NRXN1: variants seen among roughly 807,000 people sequenced by gnomAD.
The protein encoded by NRXN1 is neurexin 1, also known as neurexin-1.
A neutral mutation model predicts 150.9 loss-of-function variants in NRXN1; 39 were observed. That is an observed-to-expected ratio of 0.26 (90% CI 0.20 to 0.34). The LOEUF is 0.34. Ranked by LOEUF, NRXN1 falls within the 10% of genes least tolerant of loss-of-function variation. The pLI, the probability that NRXN1 is intolerant of heterozygous loss-of-function variation, is 1.00. For missense variants in NRXN1, 1,815 were observed against 1,949.9 expected (o/e 0.93, Z 1.30); for synonymous variants, 924 against 757.0 (o/e 1.22, Z -3.62).
chr2:49,971,109 C>A (rs1677879347), intron 21 of NRXN1, among the ~76,000 whole-genome samples: 1 of 152,016 alleles, frequency 6.6e-6, no homozygotes, highest in South Asian at 2.1e-4. Flanking sequence ...TTAATATAGA[C>A]AAAGGCCTAA....
chr2:50,852,034 T>C (rs894529842), intron 5 of NRXN1, among the ~76,000 whole-genome samples: 3 of 152,122 alleles, frequency 2.0e-5, no homozygotes, highest in African/African-American at 7.2e-5. Context: ...GTGCTAGCAA[T>C]GATCTGAAAG....
At chr2:50,876,090 C>T (rs1343958895) in intron 5 of NRXN1, among the ~76,000 whole-genome samples, 1 of 151,796 alleles carries the variant, frequency 6.6e-6, no homozygotes, top group Non-Finnish European at 1.5e-5. Context: ...ACTCTTTTTC[C>T]AGCCCCTCCT....
chr2:50,183,077 T>G (rs1272755061), intron 18 of NRXN1, among the ~76,000 whole-genome samples: 2 of 152,100 alleles, frequency 1.3e-5, no homozygotes, highest in African/African-American at 4.8e-5. Flanking sequence ...ATTAGAAATA[T>G]GCTGTGACTT....
intron 5 of NRXN1, among the ~76,000 whole-genome samples, chr2:50,654,270 C>T (rs1460831918): frequency 8.5e-6 from 1 of 117,782 alleles, no homozygotes; most frequent in Non-Finnish European, 1.9e-5. Flanking sequence ...TGAGTGAGAA[C>T]ATGTGGTGTT....
At chr2:50,872,217 C>T (rs921171902) in intron 5 of NRXN1, among the ~76,000 whole-genome samples, 24 of 151,884 alleles carry the variant, frequency 1.6e-4, no homozygotes, top group African/African-American at 4.6e-4. Context: ...ACTATCTTCA[C>T]GGAACTTACG....
chr2:50,686,191 T>C (rs924901914), intron 5 of NRXN1, among the ~76,000 whole-genome samples: 3 of 152,142 alleles, frequency 2.0e-5, no homozygotes, highest in Non-Finnish European at 2.9e-5. Flanking sequence ...TTTTTTAATA[T>C]ATTTAAGTTG....
At chr2:50,380,276 A>ATGTGTG (rs61041420) in intron 17 of NRXN1, among the ~76,000 whole-genome samples, 5 of 149,796 alleles carry the variant, frequency 3.3e-5, no homozygotes, top group African/African-American at 1.2e-4. Context: ...ATGACCACAT[A>ATGTGTG]TGTGTGTGTG....
Position 51,028,191 on chromosome 2 carries a change from C to G in NRXN1, c.83G>C (p.Gly28Ala), listed in dbSNP as rs199598542. The change falls in exon 2 of 23, where the codon GGC (glycine) becomes GCC (alanine). Residue 28 changes from glycine (G) to alanine (A), a missense_variant. By Grantham distance (60) the Gly-to-Ala change is moderately conservative (BLOSUM62 0). Around this residue, in one of 6 missense-constraint regions of NRXN1, gnomAD observed 554 missense variants for 478.8 expected, o/e 1.16. Transcript: ENST00000401669. ...LLLLGCWAELGSGLEFPGAEG... is the reference protein window; with the variant it reads ...LLLLGCWAELASGLEFPGAEG... The stretch of plus-strand genomic sequence containing the variant: ...GGCGCCCGGAAACTCCAGCCCGCTG[C>G]CCAGCTCCGCCCAGCAGCCCAGGAG... 69 of 1,493,354 alleles carry G rather than the reference C, an allele frequency of 4.6e-5. No homozygotes were observed. The highest frequency in any genetic ancestry group is 5.9e-5 in the Non-Finnish European group (67 of 1,127,680). The allele number at this position is 1,493,354 out of a possible 1,614,324, so 92.5% of individuals were successfully genotyped here.
intron 18 of NRXN1, among the ~76,000 whole-genome samples, chr2:50,139,036 C>T (rs1321276573): frequency 1.3e-5 from 2 of 152,082 alleles, no homozygotes; most frequent in East Asian, 3.9e-4. Context: ...AATAATGTTA[C>T]TGCATGTGGA....
At chr2:50,769,096 A>G (rs947395880) in intron 5 of NRXN1, among the ~76,000 whole-genome samples, 5 of 152,082 alleles carry the variant, frequency 3.3e-5, no homozygotes, top group African/African-American at 1.2e-4. Context: ...TGTTCCTTAT[A>G]CATCAATGTA....
intron 19 of NRXN1, among the ~76,000 whole-genome samples, chr2:50,073,871 G>C (rs186467965): frequency 6.6e-6 from 1 of 152,240 alleles, no homozygotes; most frequent in East Asian, 1.9e-4. Context: ...TATCGAGAAA[G>C]AAGCAACATG....
intron 17 of NRXN1, among the ~76,000 whole-genome samples, chr2:50,364,746 T>C (rs996499398): frequency 6.6e-6 from 1 of 152,158 alleles, no homozygotes; most frequent in African/African-American, 2.4e-5. Flanking sequence ...CTTTTGGCAG[T>C]AGCAACCAGA....
At chr2:50,122,474 A>G (rs1005883633) in intron 18 of NRXN1, among the ~76,000 whole-genome samples, 3 of 152,198 alleles carry the variant, frequency 2.0e-5, no homozygotes, top group Non-Finnish European at 4.4e-5. Context: ...AGAGATCACA[A>G]AAGTGCATGG....
intron 5 of NRXN1, among the ~76,000 whole-genome samples, chr2:50,748,460 C>A (rs1008744242): frequency 1.3e-5 from 2 of 152,052 alleles, no homozygotes; most frequent in Admixed American, 1.3e-4. Flanking sequence ...AATTATGGTG[C>A]CTGTTAATGT....
intron 5 of NRXN1, among the ~76,000 whole-genome samples, chr2:50,625,605 A>G (rs566739449): frequency 3.5e-4 from 53 of 152,234 alleles, no homozygotes; most frequent in African/African-American, 1.2e-3. Flanking sequence ...TCAGTCCAAC[A>G]TGGCAAGTGG....
chr2:50,347,485 GCGCCCCTT>G lies in NRXN1; in HGVS notation c.3365-110523_3365-110516del. On this transcript the variant is annotated intron_variant, in intron 17 of 22. Transcript: ENST00000401669. The surrounding 1 kb of genome is among the most constrained non-coding windows in gnomAD (Gnocchi z 4.9). Reference sequence around the variant, plus strand: ...CAGAAGCAGACCCCATGGAATCCAGGCGCCCCTTCCCTCCATTCAGCCCCGGCCGGCTC... The same window carrying G: ...CAGAAGCAGACCCCATGGAATCCAGGCCCTCCATTCAGCCCCGGCCGGCTC... 3 of 1,065,722 alleles carry G rather than the reference GCGCCCCTT, an allele frequency of 2.8e-6. No individual in the cohort carries two copies. Among genetic ancestry groups the G allele is most frequent in the Non-Finnish European group, 3.4e-6 (3 of 877,092 alleles). 66.0% of individuals were successfully genotyped at this position (1,065,722 alleles called of 1,614,324 possible).
intron 15 of NRXN1, among the ~76,000 whole-genome samples, chr2:50,476,496 A>C (rs1038812864): frequency 6.6e-6 from 1 of 152,068 alleles, no homozygotes. Flanking sequence ...AGGATTACAA[A>C]GTATGCACAT....
At chr2:50,943,629 C>G (rs1689848866) in intron 2 of NRXN1, among the ~76,000 whole-genome samples, 2 of 152,142 alleles carry the variant, frequency 1.3e-5, no homozygotes, top group Admixed American at 1.3e-4. Context: ...AAATATCCCA[C>G]AGGCCTTGTA....
At position 49,989,059 on chromosome 2, in the gene NRXN1, A is replaced by G. The variant is rs1165053552; in HGVS notation, c.4129-45268T>C. Among the ~76,000 whole-genome samples the G allele has an allele frequency of 2.6e-5, 4 of 152,146 alleles. No individual in the cohort carries two copies. The East Asian group carries it at 5.8e-4, about 22-fold the overall frequency. On this transcript the variant is annotated intron_variant, in intron 21 of 22. Transcript: ENST00000401669. Reference sequence around the variant, plus strand: ...TTGAGTTCTGAGTAACTGTAATTGTATGCTATTTTAAGCTTATGAATGCTA... The same window carrying G: ...TTGAGTTCTGAGTAACTGTAATTGTGTGCTATTTTAAGCTTATGAATGCTA...
Sources: allele counts gnomAD v4.1 joint callset (sites outside exome capture counted in the v4.1 genomes callset), GRCh38; gene constraint gnomAD v4.1.1; regional missense constraint gnomAD v4.1.1; non-coding constraint Gnocchi (gnomAD v3.1); transcripts MANE v1.5; gene names NCBI Gene and HGNC (gene_info 2026-07-23, HGNC 2026-07-21).